The following ADAMTS12 variants were observed in gnomAD, a reference collection of about 807,000 sequenced individuals.
ADAMTS12 encodes ADAM metallopeptidase with thrombospondin type 1 motif 12, also known as A disintegrin and metalloproteinase with thrombospondin motifs 12.
Under a neutral mutation model 167.8 loss-of-function variants are expected in ADAMTS12, and 118 were observed. The observed-to-expected ratio is 0.70, with a 90% CI of 0.61 to 0.82. The LOEUF (loss-of-function observed/expected upper bound fraction) is 0.82, where lower values mean the gene tolerates loss of function less well. Among genes scored for constraint, ADAMTS12 ranks in the 40% least tolerant of loss-of-function variants. The pLI is 0.00. For missense variants in ADAMTS12, 1,916 were observed against 1,998.8 expected, an observed-to-expected ratio of 0.96 and a Z score of 0.79; for synonymous variants, 704 against 716.9, an observed-to-expected ratio of 0.98 and a Z score of 0.29.
intron 16 of ADAMTS12, among the ~76,000 whole-genome samples, chr5:33,604,614 A>G (rs1013680557): frequency 6.6e-6 from 1 of 151,960 alleles, no homozygotes; most frequent in African/African-American, 2.4e-5. Context: ...CAAGACAAGA[A>G]TTCAATTTCT....
chr5:33,712,912 T>C (rs1166154785), intron 3 of ADAMTS12, among the ~76,000 whole-genome samples: 1 of 152,100 alleles, frequency 6.6e-6, no homozygotes, highest in Non-Finnish European at 1.5e-5. Context: ...CTAGATCCAA[T>C]AGCAATCATC....
At chr5:33,529,932 T>C (rs1744013604) in intron 23 of ADAMTS12, among the ~76,000 whole-genome samples, 2 of 152,162 alleles carry the variant, frequency 1.3e-5, no homozygotes, top group African/African-American at 4.8e-5. Context: ...GTACACGTTT[T>C]TGTATTTTGA....
chr5:33,652,710 A>G (rs920613312), intron 7 of ADAMTS12, among the ~76,000 whole-genome samples: 13 of 152,014 alleles, frequency 8.6e-5, no homozygotes, highest in Non-Finnish European at 1.5e-4. Context: ...GCCTGGACCA[A>G]AAGAGTTTCT....
intron 2 of ADAMTS12, among the ~76,000 whole-genome samples, chr5:33,786,997 G>A (rs1020885134): frequency 4.1e-5 from 6 of 146,618 alleles, no homozygotes; most frequent in African/African-American, 1.3e-4. Flanking sequence ...AATCATACTC[G>A]TTCTACATAT....
At chr5:33,783,003 G>A (rs1746194439) in intron 2 of ADAMTS12, among the ~76,000 whole-genome samples, 1 of 151,994 alleles carries the variant, frequency 6.6e-6, no homozygotes, top group Admixed American at 6.6e-5. Flanking sequence ...CTATTCTCCA[G>A]GGTAGACCAT....
chr5:33,578,867 C>T (rs1354993127), intron 18 of ADAMTS12, among the ~76,000 whole-genome samples: 1 of 152,204 alleles, frequency 6.6e-6, no homozygotes, highest in Non-Finnish European at 1.5e-5. Flanking sequence ...ACCAGTGAAG[C>T]TGTGGATTTA....
chr5:33,573,370 C>T (rs1387117562), intron 19 of ADAMTS12, among the ~76,000 whole-genome samples: 1 of 152,192 alleles, frequency 6.6e-6, no homozygotes, highest in Non-Finnish European at 1.5e-5. Context: ...CTACAGTAAT[C>T]AAAACAGCAT....
At chr5:33,745,342 T>A (rs1726558953) in intron 3 of ADAMTS12, among the ~76,000 whole-genome samples, 1 of 152,072 alleles carries the variant, frequency 6.6e-6, no homozygotes, top group Admixed American at 6.5e-5. Context: ...CCCTGCAGAG[T>A]TGTGGGAAAT....
chr5:33,586,192 C>T (rs1431585937), intron 18 of ADAMTS12, among the ~76,000 whole-genome samples: 7 of 152,072 alleles, frequency 4.6e-5, no homozygotes, highest in Non-Finnish European at 7.3e-5. Flanking sequence ...TACTGCCTGC[C>T]AAGAATCACT....
At chr5:33,748,485 G>T (rs1399212096) in intron 3 of ADAMTS12, among the ~76,000 whole-genome samples, 1 of 152,088 alleles carries the variant, frequency 6.6e-6, no homozygotes, top group Non-Finnish European at 1.5e-5. Flanking sequence ...CACATTAAAG[G>T]CCTGGAAAAC....
intron 13 of ADAMTS12, among the ~76,000 whole-genome samples, chr5:33,628,236 AGGTT>A (rs1239748059): frequency 2.0e-5 from 3 of 152,132 alleles, no homozygotes; most frequent in African/African-American, 7.2e-5. Context: ...GAGAGCTGGA[AGGTT>A]AGCGAGCTGG....
chr5:33,588,886 G>T lies in ADAMTS12; in HGVS notation c.2655-77C>A, dbSNP rs1046371196. On this transcript the variant is annotated intron_variant, in intron 17 of 23. Transcript: ENST00000504830. ...TCCATTCAACCACTGAGAAAGCAGG[G>T]GCAGAAATGCAGATCACAGGGCTGG... The T allele has an allele frequency of 1.2e-5, 19 of 1,543,874 alleles. No homozygotes were observed. The African/African-American group carries it at 2.2e-4, about 18-fold the overall frequency.
At chr5:33,656,150 A>G (rs1741052906) in intron 7 of ADAMTS12, among the ~76,000 whole-genome samples, 1 of 152,222 alleles carries the variant, frequency 6.6e-6, no homozygotes, top group Non-Finnish European at 1.5e-5. Context: ...TCCACAATGC[A>G]TCAGATAGTT....
intron 2 of ADAMTS12, among the ~76,000 whole-genome samples, chr5:33,832,202 T>C (rs1440883610): frequency 6.6e-6 from 1 of 152,188 alleles, no homozygotes; most frequent in African/African-American, 2.4e-5. Flanking sequence ...GATATATAAG[T>C]TGGTGATTGA....
At chr5:33,753,135 A>C (rs923870029) in intron 2 of ADAMTS12, among the ~76,000 whole-genome samples, 10 of 152,246 alleles carry the variant, frequency 6.6e-5, no homozygotes, top group Non-Finnish European at 2.9e-5. Context: ...CTACTACCTC[A>C]TAGGGCTGTT....
intron 1 of ADAMTS12, among the ~76,000 whole-genome samples, chr5:33,890,675 A>G (rs1750810239): frequency 6.6e-6 from 1 of 152,148 alleles, no homozygotes; most frequent in Non-Finnish European, 1.5e-5. Context: ...ATGCTAACCC[A>G]GTGCTCTGTG....
intron 2 of ADAMTS12, among the ~76,000 whole-genome samples, chr5:33,796,266 C>T (rs897104718): frequency 6.6e-6 from 1 of 152,162 alleles, no homozygotes; most frequent in African/African-American, 2.4e-5. Context: ...GAGGATGCAT[C>T]AGTAAAGGAA....
intron 3 of ADAMTS12, among the ~76,000 whole-genome samples, chr5:33,688,607 A>G (rs561875860): frequency 6.6e-6 from 1 of 152,332 alleles, no homozygotes; most frequent in South Asian, 2.1e-4. Context: ...CCAGGCATGG[A>G]TCACGCCTTG....
chr5:33,877,563 A>T (rs1204541601), intron 2 of ADAMTS12, among the ~76,000 whole-genome samples: 1 of 152,216 alleles, frequency 6.6e-6, no homozygotes, highest in Admixed American at 6.5e-5. Flanking sequence ...GAAGAAATTA[A>T]CTAAACTGTT....
Sources: allele counts gnomAD v4.1 joint callset (sites outside exome capture counted in the v4.1 genomes callset), GRCh38; gene constraint gnomAD v4.1.1; transcripts MANE v1.5; gene names NCBI Gene and HGNC (gene_info 2026-07-23, HGNC 2026-07-21).